SLC30A9: variants seen among roughly 807,000 people sequenced by gnomAD.
SLC30A9 encodes proton-coupled zinc antiporter SLC30A9, mitochondrial.
A neutral mutation model predicts 87.5 loss-of-function variants in SLC30A9; 58 were observed. The ratio of observed to expected loss-of-function variants is 0.66; its 90% CI spans 0.54 to 0.82. The LOEUF is 0.82. SLC30A9 is among the 40% of genes least tolerant of loss of function. The probability of loss-of-function intolerance (pLI) is 0.00; values close to 1 mark genes in which losing one functional copy is unlikely to be tolerated. For synonymous variants in SLC30A9, 234 were observed against 233.0 expected (o/e 1.00, Z -0.04); for missense variants, 557 against 679.1 (o/e 0.82, Z 2.00).
intron 8 of SLC30A9, among the ~76,000 whole-genome samples, chr4:42,042,753 G>T (rs976294969): frequency 1.3e-5 from 2 of 152,196 alleles, no homozygotes; most frequent in Non-Finnish European, 2.9e-5. Flanking sequence ...CCTCAAGTGG[G>T]TCCTTGACCC....
intron 8 of SLC30A9, among the ~76,000 whole-genome samples, chr4:42,042,632 G>A (rs376146163): frequency 6.6e-6 from 1 of 152,168 alleles, no homozygotes; most frequent in Non-Finnish European, 1.5e-5. Flanking sequence ...GGGGGTAGGG[G>A]CGGCTGTGGG....
At position 42,035,277 on chromosome 4, in the gene SLC30A9, C is replaced by G. The variant is rs547294532; in HGVS notation, c.613C>G (p.Leu205Val). The G allele has an allele frequency of 6.3e-7, 1 of 1,598,306 alleles. No individual in the cohort carries two copies. Among genetic ancestry groups the G allele is most frequent in the Admixed American group, 1.7e-5 (1 of 59,356 alleles). Residue 205 changes from leucine to valine, a missense_variant and splice_region_variant, in exon 7 of 18, where the codon CTA becomes GTA. Physicochemically the swap from Leu to Val is conservative, Grantham distance 32 (BLOSUM62 1). Transcript: ENST00000264451. ...KEAEIEYRER[L>V]FRNQKILREY... Reference sequence around the variant, plus strand: ...AATTTATTTTGTTATTCTTACAGGGCTATTTAGAAACCAAAAAATATTAAG... The same window carrying G: ...AATTTATTTTGTTATTCTTACAGGGGTATTTAGAAACCAAAAAATATTAAG...
intron 9 of SLC30A9, among the ~76,000 whole-genome samples, chr4:42,050,269 G>A (rs931869103): frequency 2.6e-5 from 4 of 152,066 alleles, no homozygotes; most frequent in African/African-American, 9.7e-5. Flanking sequence ...TTTGCCATTA[G>A]TACTAAGTAT....
chr4:42,040,809 AAG>A (rs66484714), intron 8 of SLC30A9, among the ~76,000 whole-genome samples: 93,299 of 112,986 alleles, frequency 0.83, 38,130 homozygotes, highest in East Asian at 0.95. Flanking sequence ...AAAAAAAAAA[AAG>A]AAAAAGAAAA....
At chr4:42,035,374 C>G (rs1460753201) in intron 7 of SLC30A9, 41 bp downstream of exon 7, 1 of 1,585,684 alleles carries the variant, frequency 6.3e-7, no homozygotes, top group East Asian at 2.3e-5. Flanking sequence ...TTGTGTTGCA[C>G]AGCAAAATTC....
At chr4:42,070,340 C>CA (rs1482550098) in intron 14 of SLC30A9, 186 bp from the exon 15 acceptor site, 8 of 492,904 alleles carry the variant, frequency 1.6e-5, no homozygotes, top group Non-Finnish European at 2.9e-5. Flanking sequence ...CTTATGAAAG[C>CA]AAGTTGTAGC....
chr4:42,041,907 G>A (rs529797953), intron 8 of SLC30A9, among the ~76,000 whole-genome samples: 2 of 152,140 alleles, frequency 1.3e-5, no homozygotes, highest in African/African-American at 2.4e-5. Flanking sequence ...GCCCATGGAG[G>A]GTGACCCGAA....
At position 42,049,448 on chromosome 4, in the gene SLC30A9, C is replaced by G; in HGVS notation, c.809C>G (p.Ala270Gly). ...GGTTCAGCAAGTATGTTCTCAGAAG[C>G]TATACACTCATTATCTGATACTTGT... is the stretch of plus-strand genomic sequence containing the variant. Reference protein sequence around the residue: ...YTGSASMFSEAIHSLSDTCNQ... With the variant: ...YTGSASMFSEGIHSLSDTCNQ... Residue 270 changes from alanine to glycine, a missense_variant, in exon 9 of 18, where the codon GCT (alanine) becomes GGT (glycine). This residue lies in a region of SLC30A9 where 467 missense variants were observed against 529.8 expected (regional missense o/e 0.88). Coordinates refer to ENST00000264451, the MANE Select transcript of SLC30A9 (RefSeq NM_006345.4). 1 of 1,605,956 alleles carries G rather than the reference C, an allele frequency of 6.2e-7. No homozygotes were observed. Among genetic ancestry groups the G allele is most frequent in the Non-Finnish European group, 8.5e-7 (1 of 1,174,750 alleles).
chr4:41,999,004 G>A (rs1276171577), intron 1 of SLC30A9, among the ~76,000 whole-genome samples: 1 of 152,118 alleles, frequency 6.6e-6, no homozygotes, highest in Non-Finnish European at 1.5e-5. Context: ...GCAAGAAAAA[G>A]CTATCAAAGA....
intron 8 of SLC30A9, among the ~76,000 whole-genome samples, chr4:42,048,334 A>C (rs1190717066): frequency 6.6e-6 from 1 of 152,184 alleles, no homozygotes; most frequent in East Asian, 1.9e-4. Flanking sequence ...GTAGTATGGA[A>C]TGGTAGGTGG....
intron 2 of SLC30A9, among the ~76,000 whole-genome samples, chr4:42,009,792 A>G (rs939037473): frequency 6.6e-6 from 1 of 152,236 alleles, no homozygotes; most frequent in Non-Finnish European, 1.5e-5. Context: ...ATTAAGTTCA[A>G]TAATGTTGAG....
At chr4:42,054,798 G>A (rs183367375) in intron 9 of SLC30A9, among the ~76,000 whole-genome samples, 1 of 151,946 alleles carries the variant, frequency 6.6e-6, no homozygotes, top group African/African-American at 2.4e-5. Flanking sequence ...ACCGCACCCG[G>A]CCAGGAATTA....
chr4:42,045,435 C>T (rs1173537061), intron 8 of SLC30A9, among the ~76,000 whole-genome samples: 1 of 152,058 alleles, frequency 6.6e-6, no homozygotes, highest in African/African-American at 2.4e-5. Context: ...ATATAAACAC[C>T]TCTACGCAAA....
intron 16 of SLC30A9, among the ~76,000 whole-genome samples, chr4:42,076,294 G>A (rs1046797158): frequency 6.6e-6 from 1 of 151,930 alleles, no homozygotes; most frequent in Non-Finnish European, 1.5e-5. Flanking sequence ...ATTTGCTTAA[G>A]GTCTTAAAAA....
At chr4:42,015,965 G>A (rs1458828813) in intron 2 of SLC30A9, among the ~76,000 whole-genome samples, 1 of 151,960 alleles carries the variant, frequency 6.6e-6, no homozygotes, top group Non-Finnish European at 1.5e-5. Context: ...AAATAACTGT[G>A]CCTCCATGTT....
At chr4:42,050,097 C>T (rs1022688850) in intron 9 of SLC30A9, among the ~76,000 whole-genome samples, 12 of 152,092 alleles carry the variant, frequency 7.9e-5, no homozygotes, top group African/African-American at 2.7e-4. Context: ...CAATGAGAGA[C>T]ACAGGTAAAA....
rs1450555740 is a variant in SLC30A9, at chr4:42,088,177, G to A, written c.*2051G>A. The A allele has an allele frequency of 6.6e-6, 1 of 152,140 alleles. No individual in the cohort carries two copies. Among genetic ancestry groups the A allele is most frequent in the East Asian group, 1.9e-4 (1 of 5,202 alleles). The allele number at this position is 152,140 out of a possible 1,614,324, so 9.4% of individuals were successfully genotyped here. A position where few individuals can be genotyped will look rare whatever the true frequency, so the allele number is the denominator to read the frequency against. On this transcript the variant is annotated 3_prime_UTR_variant, in exon 18 of 18. Transcript: ENST00000264451. ...TGTTTATGTAAAATAAGACATAAAG[G>A]AGTACAACATATCAAGGAATTTGAG...
intron 17 of SLC30A9, among the ~76,000 whole-genome samples, chr4:42,083,635 ATTTAT>A (rs1196626206): frequency 6.7e-6 from 1 of 149,648 alleles, no homozygotes; most frequent in Non-Finnish European, 1.5e-5. Context: ...ATTAGTACAC[ATTTAT>A]TTATATCATG....
chr4:42,067,496 TAA>T (rs1277525182), intron 14 of SLC30A9, among the ~76,000 whole-genome samples: 2 of 152,206 alleles, frequency 1.3e-5, no homozygotes, highest in Non-Finnish European at 2.9e-5. Context: ...TATTTACCTA[TAA>T]AAGTGTGGAT....
Sources: allele counts gnomAD v4.1 joint callset (sites outside exome capture counted in the v4.1 genomes callset), GRCh38; gene constraint gnomAD v4.1.1; regional missense constraint gnomAD v4.1.1; transcripts MANE v1.5; gene names NCBI Gene and HGNC (gene_info 2026-07-23, HGNC 2026-07-21).